The following DPYD variants were observed in gnomAD, a reference collection of about 807,000 sequenced individuals.
The protein encoded by DPYD is dihydropyrimidine dehydrogenase [NADP(+)].
Under a neutral mutation model 116.2 loss-of-function variants are expected in DPYD, and 109 were observed. The ratio of observed to expected loss-of-function variants is 0.94; its 90% CI spans 0.80 to 1.10. The LOEUF (loss-of-function observed/expected upper bound fraction) is 1.10, where lower values mean the gene tolerates loss of function less well. Among genes scored for constraint, DPYD ranks in the 50% least tolerant of loss-of-function variants. The probability of loss-of-function intolerance (pLI) is 0.00; values close to 1 mark genes in which losing one functional copy is unlikely to be tolerated. For missense variants in DPYD, 1,302 were observed against 1,254.5 expected (o/e 1.04, Z -0.57); for synonymous variants, 440 against 432.0 (o/e 1.02, Z -0.23).
intron 13 of DPYD, among the ~76,000 whole-genome samples, chr1:97,471,596 T>C (rs1338342665): frequency 3.4e-5 from 5 of 147,830 alleles, no homozygotes; most frequent in African/African-American, 9.8e-5. Flanking sequence ...CCACTTTCCT[T>C]TTTTTTTTTT....
intron 20 of DPYD, among the ~76,000 whole-genome samples, chr1:97,130,037 T>C (rs1482363044): frequency 1.3e-5 from 2 of 152,172 alleles, no homozygotes; most frequent in Non-Finnish European, 2.9e-5. Flanking sequence ...TGCCTTTAAA[T>C]AGCAATACAG....
intron 15 of DPYD, among the ~76,000 whole-genome samples, chr1:97,380,263 T>A (rs1165029679): frequency 1.3e-5 from 2 of 152,152 alleles, no homozygotes; most frequent in African/African-American, 2.4e-5. Flanking sequence ...ATAGTAGGTG[T>A]TTCATAAATC....
intron 14 of DPYD, among the ~76,000 whole-genome samples, chr1:97,435,641 T>A (rs1004773524): frequency 3.9e-5 from 6 of 151,976 alleles, no homozygotes; most frequent in African/African-American, 1.4e-4. Context: ...GTCATTAAAA[T>A]ACAGTATATA....
At chr1:97,376,484 C>A (rs1004031700) in intron 15 of DPYD, among the ~76,000 whole-genome samples, 22 of 152,120 alleles carry the variant, frequency 1.4e-4, no homozygotes, top group Admixed American at 2.6e-4. Context: ...TGTATCCAAG[C>A]CTCAAAAACA....
intron 20 of DPYD, among the ~76,000 whole-genome samples, chr1:97,122,260 T>C (rs767200396): frequency 1.1e-4 from 17 of 152,270 alleles, no homozygotes; most frequent in Admixed American, 8.5e-4. Flanking sequence ...ATTATTTTAT[T>C]GGGTAACCAG....
intron 19 of DPYD, 136 bp from the exon 20 acceptor site, chr1:97,193,384 T>C (rs1220438552): frequency 1.1e-6 from 1 of 874,280 alleles, no homozygotes; most frequent in African/African-American, 1.7e-5. Flanking sequence ...AGTAGCCGTC[T>C]GGAGATGGGG....
chr1:97,757,144 G>A (rs1665296689), intron 3 of DPYD, among the ~76,000 whole-genome samples: 1 of 152,068 alleles, frequency 6.6e-6, no homozygotes, highest in African/African-American at 2.4e-5. Flanking sequence ...TTAGGTCCAG[G>A]GTCAAGGGAA....
At chr1:97,900,932 AGTCT>A (rs1673337306) in intron 1 of DPYD, among the ~76,000 whole-genome samples, 1 of 151,902 alleles carries the variant, frequency 6.6e-6, no homozygotes, top group African/African-American at 2.4e-5. Context: ...ATGTGTTCTC[AGTCT>A]AATATATACT....
chr1:97,643,830 G>A (rs1481840864), intron 8 of DPYD, among the ~76,000 whole-genome samples: 3 of 152,020 alleles, frequency 2.0e-5, no homozygotes, highest in Non-Finnish European at 2.9e-5. Context: ...AACTAACACA[G>A]TAACAGAAAA....
chr1:97,740,122 T>C (rs1236654954), intron 4 of DPYD, among the ~76,000 whole-genome samples: 1 of 152,144 alleles, frequency 6.6e-6, no homozygotes, highest in Non-Finnish European at 1.5e-5. Context: ...TAAACTAAAA[T>C]CAATCTTTTC....
intron 3 of DPYD, among the ~76,000 whole-genome samples, chr1:97,786,439 A>G (rs1175124794): frequency 6.6e-6 from 1 of 152,208 alleles, no homozygotes; most frequent in African/African-American, 2.4e-5. Context: ...CAAAGATAAA[A>G]TGTGCTTAGT....
chr1:97,737,172 G>T (rs1364755644), intron 4 of DPYD, among the ~76,000 whole-genome samples: 2 of 150,710 alleles, frequency 1.3e-5, no homozygotes, highest in Admixed American at 6.6e-5. Context: ...GGAGATAGAG[G>T]TTTTGTTTTG....
At chr1:97,276,804 C>T (rs533729319) in intron 18 of DPYD, among the ~76,000 whole-genome samples, 1 of 152,160 alleles carries the variant, frequency 6.6e-6, no homozygotes. Flanking sequence ...TTGGAGATTT[C>T]TCAAAGAACT....
chr1:97,126,557 T>C (rs1054326825), intron 20 of DPYD, among the ~76,000 whole-genome samples: 9 of 152,108 alleles, frequency 5.9e-5, no homozygotes, highest in Non-Finnish European at 8.8e-5. Flanking sequence ...ATGTCCTAGG[T>C]CCCACCTTGA....
chr1:97,120,113 G>A (rs142674446), intron 20 of DPYD, among the ~76,000 whole-genome samples: 2 of 152,268 alleles, frequency 1.3e-5, no homozygotes, highest in East Asian at 3.9e-4. Flanking sequence ...AAAGACGGCT[G>A]CATATATTTG....
chr1:97,160,000 A>C (rs2101741187), intron 20 of DPYD, among the ~76,000 whole-genome samples: 1 of 152,050 alleles, frequency 6.6e-6, no homozygotes, highest in East Asian at 1.9e-4. Flanking sequence ...TGAAGGATAA[A>C]ATCTTTCTTA....
intron 2 of DPYD, among the ~76,000 whole-genome samples, chr1:97,873,252 G>T (rs1335449977): frequency 6.6e-6 from 1 of 151,904 alleles, no homozygotes; most frequent in Non-Finnish European, 1.5e-5. Flanking sequence ...GTACAATTTA[G>T]ATTCAAATAT....
chr1:97,535,314 G>T (rs1488338430), intron 12 of DPYD, among the ~76,000 whole-genome samples: 1 of 152,116 alleles, frequency 6.6e-6, no homozygotes, highest in Non-Finnish European at 1.5e-5. Context: ...GATTTTGGGT[G>T]TTTTGTTTTA....
intron 14 of DPYD, among the ~76,000 whole-genome samples, chr1:97,387,473 C>T (rs1453726327): frequency 6.6e-6 from 1 of 151,946 alleles, no homozygotes; most frequent in Admixed American, 6.6e-5. Flanking sequence ...AGGAAAATGT[C>T]ATAATGAGTT....
Sources: allele counts gnomAD v4.1 joint callset (sites outside exome capture counted in the v4.1 genomes callset), GRCh38; gene constraint gnomAD v4.1.1; transcripts MANE v1.5; gene names NCBI Gene and HGNC (gene_info 2026-07-23, HGNC 2026-07-21).